The following SNX7 variants were observed in gnomAD, a reference collection of about 807,000 sequenced individuals.
The protein encoded by SNX7 is sorting nexin 7.
SNX7 carries 35 observed loss-of-function variants against 48.4 expected under a neutral mutation model. The observed-to-expected ratio is 0.72, with a 90% CI of 0.55 to 0.96. The LOEUF (loss-of-function observed/expected upper bound fraction) is 0.96. SNX7 is among the 40% of genes least tolerant of loss of function. The pLI is 0.00. For missense variants in SNX7, 553 were observed against 548.9 expected (o/e 1.01, Z -0.07); for synonymous variants, 190 against 190.2 (o/e 1.00, Z 0.01).
At chr1:98,681,165 G>A (rs1650467602) in intron 1 of SNX7, among the ~76,000 whole-genome samples, 1 of 152,200 alleles carries the variant, frequency 6.6e-6, no homozygotes, top group Admixed American at 6.5e-5. Context: ...AAGAACTTGT[G>A]AAGGGAAACT....
upstream of SNX7, chr1:98,661,634 C>G (rs1003277170): frequency 1.9e-6 from 2 of 1,069,068 alleles, no homozygotes; most frequent in South Asian, 4.6e-5. Flanking sequence ...GGAGCGGGGC[C>G]GGCCGGGGAG....
intron 8 of SNX7, among the ~76,000 whole-genome samples, chr1:98,741,441 TAG>T: frequency 6.6e-6 from 1 of 152,270 alleles, no homozygotes; most frequent in African/African-American, 2.4e-5. Context: ...ATGTTGTACT[TAG>T]ATGTATGAAT....
chr1:98,663,145 A>G (rs1249259637), intron 1 of SNX7, among the ~76,000 whole-genome samples: 1 of 149,694 alleles, frequency 6.7e-6, no homozygotes, highest in Non-Finnish European at 1.5e-5. Flanking sequence ...CCTTCTTTAC[A>G]TTGCTGTTTG....
At chr1:98,692,093 T>G (rs1483456698) in intron 4 of SNX7, among the ~76,000 whole-genome samples, 1 of 152,070 alleles carries the variant, frequency 6.6e-6, no homozygotes, top group East Asian at 1.9e-4. Context: ...CAACCCCTTA[T>G]GAAATTGAAA....
chr1:98,674,380 G>T (rs1243967761), intron 1 of SNX7, among the ~76,000 whole-genome samples: 2 of 152,120 alleles, frequency 1.3e-5, no homozygotes, highest in Non-Finnish European at 2.9e-5. Context: ...GTGAGAGAGG[G>T]ATCTGTTCCA....
chr1:98,673,832 A>C (rs1650010603), intron 1 of SNX7, among the ~76,000 whole-genome samples: 1 of 152,242 alleles, frequency 6.6e-6, no homozygotes. Context: ...AGAGGATTAA[A>C]TGAAATAATG....
chr1:98,742,004 G>A (rs1274911549), intron 8 of SNX7, among the ~76,000 whole-genome samples: 3 of 152,112 alleles, frequency 2.0e-5, no homozygotes, highest in Admixed American at 6.6e-5. Flanking sequence ...CTTTAGAATA[G>A]CTCTGGACTT....
chr1:98,673,805 C>A (rs1485216584), intron 1 of SNX7, among the ~76,000 whole-genome samples: 1 of 152,208 alleles, frequency 6.6e-6, no homozygotes, highest in Non-Finnish European at 1.5e-5. Context: ...GATAATTATA[C>A]TTCCATCAGA....
At chr1:98,684,205 G>A (rs753279738) in intron 1 of SNX7, among the ~76,000 whole-genome samples, 3 of 152,076 alleles carry the variant, frequency 2.0e-5, no homozygotes, top group Non-Finnish European at 4.4e-5. Context: ...ACCACTTGAC[G>A]ATCAGATCTC....
intron 7 of SNX7, among the ~76,000 whole-genome samples, chr1:98,729,889 C>T (rs4520437): frequency 0.55 from 84,020 of 151,950 alleles, 24,266 homozygotes; most frequent in Non-Finnish European, 0.64. Context: ...AAAGGAGGGA[C>T]TCCCCCCTAA....
At chr1:98,708,579 GCA>G (rs1241250657) in intron 7 of SNX7, among the ~76,000 whole-genome samples, 1 of 151,960 alleles carries the variant, frequency 6.6e-6, no homozygotes, top group East Asian at 1.9e-4. Context: ...TAGTGGGTTT[GCA>G]CACACACAGC....
chr1:98,715,709 C>G (rs1313072517), intron 7 of SNX7, among the ~76,000 whole-genome samples: 1 of 152,180 alleles, frequency 6.6e-6, no homozygotes, highest in African/African-American at 2.4e-5. Flanking sequence ...GCTTCTGATA[C>G]AACAAAACGT....
At chr1:98,717,426 T>C (rs74110449) in intron 7 of SNX7, among the ~76,000 whole-genome samples, 1,823 of 152,308 alleles carry the variant, frequency 0.012, 30 homozygotes, top group African/African-American at 0.041. Context: ...TCAGAAATTG[T>C]GCTATTAACT....
At chr1:98,738,198 T>G in intron 7 of SNX7, 39 bp from the exon 8 acceptor site, 2 of 1,592,776 alleles carry the variant, frequency 1.3e-6, no homozygotes, top group Non-Finnish European at 1.7e-6. Context: ...ATGGAAAGAA[T>G]TCATAGATCA....
chr1:98,718,797 G>A lies in SNX7; in HGVS notation c.1125+16894G>A, dbSNP rs370658601. ...AATATACATTCTGACTTTTTAATTC[G>A]TGTGGTAATACACTCTAAAGATTTC... On this transcript the variant is annotated intron_variant, in intron 7 of 8. Coordinates refer to ENST00000306121, the MANE Select transcript of SNX7 (RefSeq NM_015976.5). Among the ~76,000 whole-genome samples, 121 of 152,046 alleles carry A rather than the reference G, an allele frequency of 8.0e-4. 3 individuals carry two copies. In the South Asian group the frequency reaches 0.021, roughly 27 times the overall value.
chr1:98,755,990 A>G (rs976304413), intron 8 of SNX7, among the ~76,000 whole-genome samples: 6 of 150,846 alleles, frequency 4.0e-5, no homozygotes, highest in Admixed American at 6.6e-5. Context: ...CATTGTTCCT[A>G]TTTTCTTCTT....
chr1:98,697,413 T>A, intron 5 of SNX7, among the ~76,000 whole-genome samples: 1 of 152,084 alleles, frequency 6.6e-6, no homozygotes, highest in East Asian at 1.9e-4. Flanking sequence ...GATAATTTGA[T>A]TGTATTTATA....
chr1:98,738,282 A>G lies in SNX7; in HGVS notation c.1171A>G (p.Asn391Asp), dbSNP rs41285704. Residue 391 changes from asparagine to aspartate, a missense_variant, in exon 8 of 9, where the codon AAT becomes GAT. Asn to Asp is a conservative substitution (Grantham distance 23). Coordinates refer to ENST00000306121, the MANE Select transcript of SNX7 (RefSeq NM_015976.5). ...GKLEDKVECA[N>D]NALKADWERW... ...ACTTGAAGATAAAGTGGAATGTGCTAATAATGCCCTGAAAGCAGATTGGGA... is the reference window on the plus strand; with the variant it reads ...ACTTGAAGATAAAGTGGAATGTGCTGATAATGCCCTGAAAGCAGATTGGGA... The G allele has an allele frequency of 1.6e-5, 26 of 1,613,556 alleles. No individual in the cohort carries two copies. The highest frequency in any genetic ancestry group is 2.1e-5 in the Non-Finnish European group (25 of 1,179,742).
intron 7 of SNX7, among the ~76,000 whole-genome samples, chr1:98,707,793 T>C (rs1011143955): frequency 4.6e-5 from 7 of 152,178 alleles, no homozygotes; most frequent in Admixed American, 2.0e-4. Flanking sequence ...CATAAGATCA[T>C]CATAGTCTGG....
Sources: allele counts gnomAD v4.1 joint callset (sites outside exome capture counted in the v4.1 genomes callset), GRCh38; gene constraint gnomAD v4.1.1; transcripts MANE v1.5; gene names NCBI Gene and HGNC (gene_info 2026-07-23, HGNC 2026-07-21).